C22orf23: variants seen among roughly 807,000 people sequenced by gnomAD.
C22orf23 encodes the protein UPF0193 protein EVG1.
A neutral mutation model predicts 29.7 loss-of-function variants in C22orf23; 30 were observed. The observed-to-expected ratio is 1.01, with a 90% CI of 0.76 to 1.37. C22orf23 has a LOEUF of 1.37. Ranked by LOEUF, C22orf23 falls within the 40% of genes most tolerant of loss-of-function variation. The pLI is 0.00. For missense variants in C22orf23, 237 were observed against 273.1 expected, an observed-to-expected ratio of 0.87 and a Z score of 0.93; for synonymous variants, 90 against 96.1, an observed-to-expected ratio of 0.94 and a Z score of 0.37.
At chr22:37,952,191 A>C (rs1470201070) in intron 2 of C22orf23, among the ~76,000 whole-genome samples, 1 of 152,138 alleles carries the variant, frequency 6.6e-6, no homozygotes, top group South Asian at 2.1e-4. Context: ...TTGGAAAAAA[A>C]CAAAAAAGTT....
intron 3 of C22orf23, 64 bp from the exon 4 acceptor site, chr22:37,947,527 T>C (rs1466605329): frequency 2.0e-6 from 2 of 1,023,950 alleles, no homozygotes; most frequent in Non-Finnish European, 2.7e-6. Context: ...TTTTTTTTTT[T>C]TGAGTCTGAG....
chr22:37,949,449 ATTTTTTTTT>A (rs71195070), intron 3 of C22orf23, among the ~76,000 whole-genome samples: 115 of 70,928 alleles, frequency 1.6e-3, no homozygotes, highest in African/African-American at 5.3e-3. Flanking sequence ...CGCCTGGCTA[ATTTTTTTTT>A]TTTTTTTTTT....
In C22orf23 at chr22:37,947,463, C is replaced by T. The variant is rs1200415118; in HGVS notation, c.167G>A (p.Arg56Lys). Residue 56 changes from arginine (R) to lysine (K), a missense_variant and splice_region_variant, in exon 4 of 7, where the codon AGA becomes AAA. By Grantham distance (26) the Arg-to-Lys change is conservative. Coordinates refer to ENST00000403305, the MANE Select transcript of C22orf23 (RefSeq NM_032561.5). ...QQRHIMDIMKRGDALPLQCSP... is the reference protein window; with the variant it reads ...QQRHIMDIMKKGDALPLQCSP... Reference sequence around the variant, plus strand: ...GCACTGTAGGGGCAAAGCATCTCCTCCTGGGGAACGAAGAGTTGGGGTGGG... The same window carrying T: ...GCACTGTAGGGGCAAAGCATCTCCTTCTGGGGAACGAAGAGTTGGGGTGGG... The T allele has an allele frequency of 1.3e-6, 2 of 1,540,884 alleles. No individual in the cohort carries two copies. Among genetic ancestry groups the T allele is most frequent in the Admixed American group, 2.0e-5 (1 of 49,062 alleles).
At chr22:37,948,919 A>C (rs1469352927) in intron 3 of C22orf23, among the ~76,000 whole-genome samples, 2 of 152,158 alleles carry the variant, frequency 1.3e-5, no homozygotes, top group South Asian at 4.1e-4. Context: ...TTATAGCTAT[A>C]TACTAGTATC....
intron 1 of C22orf23, 71 bp downstream of exon 1, chr22:37,953,377 G>C: frequency 3.5e-6 from 2 of 576,336 alleles, no homozygotes; most frequent in Non-Finnish European, 6.2e-6. Context: ...AAGTCTCCTC[G>C]GGAGGGAGTG....
chr22:37,945,209 T>A, intron 4 of C22orf23, 36 bp from the exon 5 acceptor site: 1 of 1,593,932 alleles, frequency 6.3e-7, no homozygotes, highest in Non-Finnish European at 8.5e-7. Context: ...AGTTAGGCTG[T>A]AAAGGGTGCC....
intron 3 of C22orf23, among the ~76,000 whole-genome samples, chr22:37,948,049 G>T (rs1930807886): frequency 6.6e-6 from 1 of 152,076 alleles, no homozygotes; most frequent in Admixed American, 6.5e-5. Flanking sequence ...GGGACTTGCA[G>T]TGAGCTGAGA....
Position 37,944,887 on chromosome 22 carries a change from C to T in C22orf23, c.481+155G>A, listed in dbSNP as rs1341375180. ...TGCACTCTAGCCTGGGCAATAAGAG[C>T]AAGACTGTCTCAAAATAAATAAATA... is the stretch of plus-strand genomic sequence containing the variant. On this transcript the variant is annotated intron_variant, in intron 5 of 6. Coordinates refer to ENST00000403305, the MANE Select transcript of C22orf23 (RefSeq NM_032561.5). 3.5e-6 allele frequency: 3 copies of T among 850,486 alleles called. No homozygotes were observed. In the African/African-American group the frequency reaches 5.2e-5, roughly 15 times the overall value. 52.7% of individuals were successfully genotyped at this position (850,486 alleles called of 1,614,324 possible). A position where few individuals can be genotyped will look rare whatever the true frequency, so the allele number is the denominator to read the frequency against.
intron 3 of C22orf23, 128 bp from the exon 4 acceptor site, chr22:37,947,591 A>T: frequency 1.4e-6 from 1 of 710,164 alleles, no homozygotes. Context: ...GCTTACTGCA[A>T]CCTCTGCCTC....
At chr22:37,946,456 G>A (rs1254744877) in intron 4 of C22orf23, among the ~76,000 whole-genome samples, 3 of 151,828 alleles carry the variant, frequency 2.0e-5, no homozygotes, top group African/African-American at 7.3e-5. Flanking sequence ...AACACCTGTG[G>A]TCCCAGCTAT....
intron 4 of C22orf23, among the ~76,000 whole-genome samples, chr22:37,946,827 T>A (rs1169978549): frequency 1.4e-5 from 2 of 143,518 alleles, no homozygotes; most frequent in East Asian, 4.1e-4. Context: ...TGAGCCGAGA[T>A]AGCACCACTG....
intron 3 of C22orf23, among the ~76,000 whole-genome samples, chr22:37,948,733 T>C (rs1930847049): frequency 6.6e-6 from 1 of 152,188 alleles, no homozygotes; most frequent in African/African-American, 2.4e-5. Flanking sequence ...TGGTAACAGT[T>C]TGGTGGTCTC....
intron 4 of C22orf23, among the ~76,000 whole-genome samples, chr22:37,946,958 C>A (rs543779565): frequency 6.6e-6 from 1 of 151,560 alleles, no homozygotes; most frequent in African/African-American, 2.4e-5. Flanking sequence ...TCGGCGATGC[C>A]TGTAGTGGCA....
At chr22:37,948,691 A>T (rs1362692197) in intron 3 of C22orf23, among the ~76,000 whole-genome samples, 1 of 152,186 alleles carries the variant, frequency 6.6e-6, no homozygotes, top group Non-Finnish European at 1.5e-5. Context: ...TCTTCCTTCC[A>T]GTCCCACCCC....
intron 3 of C22orf23, 55 bp downstream of exon 3, chr22:37,951,405 A>C: frequency 6.7e-7 from 1 of 1,489,312 alleles, no homozygotes; most frequent in African/African-American, 1.4e-5. Context: ...GAGAAGCATT[A>C]AAAGTGTGGC....
Position 37,947,452 on chromosome 22 carries a change from A to C in C22orf23, c.178T>G (p.Leu60Val), listed in dbSNP as rs1232610395. ...GATGTTGGGCTGCACTGTAGGGGCA[A>C]AGCATCTCCTCCTGGGGAACGAAGA... ...IMDIMKRGDALPLQCSPTSSQ... is the reference protein window; with the variant it reads ...IMDIMKRGDAVPLQCSPTSSQ... The change falls in exon 4 of 7, where the codon TTG becomes GTG. Residue 60 changes from leucine to valine, a missense_variant. Leu to Val is a conservative substitution (Grantham distance 32). Coordinates refer to ENST00000403305, the MANE Select transcript of C22orf23 (RefSeq NM_032561.5). 12 of 1,580,626 alleles carry C rather than the reference A, an allele frequency of 7.6e-6. No individual in the cohort carries two copies. The highest frequency in any genetic ancestry group is 8.6e-7 in the Non-Finnish European group (1 of 1,162,920).
At chr22:37,952,990 C>G in intron 2 of C22orf23, 57 bp downstream of exon 2, 2 of 1,327,052 alleles carry the variant, frequency 1.5e-6, no homozygotes, top group South Asian at 2.4e-5. Context: ...AAATTGTCTT[C>G]CACGAAACCG....
At chr22:37,950,597 C>T (rs1237620876) in intron 3 of C22orf23, among the ~76,000 whole-genome samples, 19 of 152,052 alleles carry the variant, frequency 1.2e-4, no homozygotes, top group Admixed American at 9.8e-4. Flanking sequence ...GGCACCACCA[C>T]ACCTGGCTAA....
At chr22:37,947,994 C>G (rs1930804107) in intron 3 of C22orf23, among the ~76,000 whole-genome samples, 1 of 151,966 alleles carries the variant, frequency 6.6e-6, no homozygotes, top group African/African-American at 2.4e-5. Context: ...ATAGTCCCTA[C>G]TGCTCGGGAG....
Sources: allele counts gnomAD v4.1 joint callset (sites outside exome capture counted in the v4.1 genomes callset), GRCh38; gene constraint gnomAD v4.1.1; transcripts MANE v1.5; gene names NCBI Gene and HGNC (gene_info 2026-07-23, HGNC 2026-07-21).